The following HMGCLL1 variants were observed in gnomAD, a reference collection of about 807,000 sequenced individuals.
HMGCLL1 encodes the protein 3-hydroxy-3-methylglutaryl-CoA lyase like 1, also known as 3-hydroxymethyl-3-methylglutaryl-CoA lyase, cytoplasmic.
Under a neutral mutation model 39.1 loss-of-function variants are expected in HMGCLL1, and 36 were observed. That is an observed-to-expected ratio of 0.92 (90% confidence interval 0.71 to 1.22). The LOEUF (loss-of-function observed/expected upper bound fraction) is 1.22. Among genes scored for constraint, HMGCLL1 ranks in the 50% most tolerant of loss-of-function variants. The probability of loss-of-function intolerance (pLI) is 0.00; values close to 1 mark genes in which losing one functional copy is unlikely to be tolerated. For synonymous variants in HMGCLL1, 149 were observed against 144.0 expected (o/e 1.03, Z -0.25); for missense variants, 451 against 416.5 (o/e 1.08, Z -0.72).
At chr6:55,449,855 T>C (rs1345509851) in intron 7 of HMGCLL1, among the ~76,000 whole-genome samples, 1 of 152,224 alleles carries the variant, frequency 6.6e-6, no homozygotes, top group Non-Finnish European at 1.5e-5. Flanking sequence ...ATTCCTTCCA[T>C]GCAGCCTTTG....
chr6:55,640,408 T>C, the HMGCLL1 span, among the ~76,000 whole-genome samples: 3 of 151,924 alleles, frequency 2.0e-5, no homozygotes. Context: ...AAATATAATA[T>C]ATACAAAAAA....
intron 7 of HMGCLL1, among the ~76,000 whole-genome samples, chr6:55,486,609 A>ATCAC (rs1213693799): frequency 6.6e-6 from 1 of 152,112 alleles, no homozygotes; most frequent in Non-Finnish European, 1.5e-5. Flanking sequence ...CCTTAGAGTC[A>ATCAC]TCACTCACTG....
At chr6:55,458,403 G>A (rs370339930) in intron 7 of HMGCLL1, among the ~76,000 whole-genome samples, 2 of 152,192 alleles carry the variant, frequency 1.3e-5, no homozygotes, top group East Asian at 3.8e-4. Flanking sequence ...AGATGCATGT[G>A]TGACTCAAGG....
At chr6:55,546,831 T>C (rs1251844555) in intron 1 of HMGCLL1, among the ~76,000 whole-genome samples, 1 of 152,070 alleles carries the variant, frequency 6.6e-6, no homozygotes, top group Non-Finnish European at 1.5e-5. Flanking sequence ...TAATGTGCAG[T>C]GTAGTATATG....
At chr6:55,622,356 AGGAAAGGCTTT>A in the HMGCLL1 span, among the ~76,000 whole-genome samples, 1 of 152,048 alleles carries the variant, frequency 6.6e-6, no homozygotes, top group African/African-American at 2.4e-5. Flanking sequence ...CAGATCTTAG[AGGAAAGGCTTT>A]TCAGTTTTTA....
chr6:55,523,585 A>C (rs1768150596), intron 3 of HMGCLL1, among the ~76,000 whole-genome samples: 1 of 151,942 alleles, frequency 6.6e-6, no homozygotes, highest in Non-Finnish European at 1.5e-5. Flanking sequence ...GGGAGAGCTC[A>C]CAATTGCTGC....
intron 7 of HMGCLL1, among the ~76,000 whole-genome samples, chr6:55,484,487 T>A (rs911217985): frequency 1.3e-5 from 2 of 152,102 alleles, no homozygotes; most frequent in African/African-American, 4.8e-5. Context: ...AACTGCCTAC[T>A]CAAAAGCTCC....
chr6:55,615,862 C>T, the HMGCLL1 span, among the ~76,000 whole-genome samples: 2 of 151,870 alleles, frequency 1.3e-5, no homozygotes, highest in Non-Finnish European at 1.5e-5. Flanking sequence ...TGTCAATAGG[C>T]AAAGATGAGT....
At chr6:55,559,605 CA>C (rs1387307347) in intron 1 of HMGCLL1, among the ~76,000 whole-genome samples, 1 of 152,154 alleles carries the variant, frequency 6.6e-6, no homozygotes, top group African/African-American at 2.4e-5. Context: ...AGATCATTCA[CA>C]CTGGACTTGA....
At chr6:55,669,454 C>G in the HMGCLL1 span, among the ~76,000 whole-genome samples, 1 of 151,676 alleles carries the variant, frequency 6.6e-6, no homozygotes, top group South Asian at 2.1e-4. Flanking sequence ...ATTCAAAATG[C>G]CCAGTATGTA....
chr6:55,650,133 A>ATATATATATAT, the HMGCLL1 span, among the ~76,000 whole-genome samples: 20 of 67,224 alleles, frequency 3.0e-4, no homozygotes, highest in South Asian at 4.7e-4. Flanking sequence ...ATATATATAT[A>ATATATATATAT]TACACACACA....
chr6:55,454,012 C>T (rs1368125490), intron 7 of HMGCLL1, among the ~76,000 whole-genome samples: 1 of 152,132 alleles, frequency 6.6e-6, no homozygotes, highest in Admixed American at 6.5e-5. Flanking sequence ...TACCACGTTT[C>T]CTGAAGCATT....
At chr6:55,557,036 A>G (rs1039418088) in intron 1 of HMGCLL1, among the ~76,000 whole-genome samples, 2 of 152,184 alleles carry the variant, frequency 1.3e-5, no homozygotes, top group African/African-American at 4.8e-5. Flanking sequence ...CCCCCAGAAT[A>G]CTGCTAAATA....
At chr6:55,571,987 G>C (rs972853019) in intron 1 of HMGCLL1, among the ~76,000 whole-genome samples, 1 of 151,344 alleles carries the variant, frequency 6.6e-6, no homozygotes, top group Admixed American at 6.6e-5. Flanking sequence ...AATCAAGTGA[G>C]CTAAATATTT....
At chr6:55,450,191 T>G (rs552223543) in intron 7 of HMGCLL1, among the ~76,000 whole-genome samples, 2 of 152,150 alleles carry the variant, frequency 1.3e-5, no homozygotes, top group Admixed American at 1.3e-4. Context: ...CATACCACAG[T>G]GATGAGTGCA....
the HMGCLL1 span, among the ~76,000 whole-genome samples, chr6:55,589,104 A>G: frequency 6.6e-6 from 1 of 152,214 alleles, no homozygotes; most frequent in Admixed American, 6.5e-5. Flanking sequence ...CACAATGAAA[A>G]AAGAGAATTT....
At chr6:55,568,413 G>A (rs1771316381) in intron 1 of HMGCLL1, among the ~76,000 whole-genome samples, 1 of 152,142 alleles carries the variant, frequency 6.6e-6, no homozygotes, top group African/African-American at 2.4e-5. Context: ...TTGTTCATGT[G>A]AAAGATCATA....
At chr6:55,665,003 A>G in the HMGCLL1 span, among the ~76,000 whole-genome samples, 3 of 151,674 alleles carry the variant, frequency 2.0e-5, no homozygotes, top group African/African-American at 7.3e-5. Context: ...GAAGCAGTAT[A>G]CTATCACTTC....
chr6:55,517,093 T>C (rs1581887061), intron 3 of HMGCLL1, among the ~76,000 whole-genome samples: 1 of 152,080 alleles, frequency 6.6e-6, no homozygotes, highest in South Asian at 2.1e-4. Context: ...AGAATGCTAT[T>C]TGGTGAGCAT....
Sources: gnomAD v4.1 joint callset for allele counts (sites outside exome capture counted in the v4.1 genomes callset) on GRCh38, gnomAD v4.1.1 for gene constraint, MANE v1.5 for transcripts, NCBI Gene and HGNC (gene_info 2026-07-23, HGNC 2026-07-21) for gene names.